COQ7: variants seen among roughly 807,000 people sequenced by gnomAD.
COQ7 encodes the protein NADPH-dependent 3-demethoxyubiquinone 3-hydroxylase, mitochondrial.
Under a neutral mutation model 25.0 loss-of-function variants are expected in COQ7, and 21 were observed. The ratio of observed to expected loss-of-function variants is 0.84; its 90% CI spans 0.60 to 1.21. COQ7 has a LOEUF of 1.21. COQ7 is among the 50% of genes most tolerant of loss of function. The probability of loss-of-function intolerance (pLI) is 0.00; values close to 1 mark genes in which losing one functional copy is unlikely to be tolerated. For missense variants in COQ7, 311 were observed against 296.2 expected (o/e 1.05, Z -0.37); for synonymous variants, 125 against 112.4 (o/e 1.11, Z -0.71).
chr16:19,075,805 A>G lies in COQ7; in HGVS notation c.452A>G (p.Asn151Ser). ...GAGAGCATAGCACATCACTACAACA[A>G]CCAGATCAGGACGCTGATGGAGGAG... Reference protein sequence around the residue: ...VEESIAHHYNNQIRTLMEEDP... With the variant: ...VEESIAHHYNSQIRTLMEEDP... The change falls in exon 4 of 6, where the codon AAC becomes AGC. Residue 151 changes from asparagine (N) to serine (S), a missense_variant. Asn to Ser is a conservative substitution (Grantham distance 46). Transcript: ENST00000321998. 2 of 1,614,082 alleles carry G rather than the reference A, an allele frequency of 1.2e-6. No homozygotes were observed. The highest frequency in any genetic ancestry group is 1.7e-6 in the Non-Finnish European group (2 of 1,179,954).
At chr16:19,068,155 C>G in intron 1 of COQ7, 23 of 1,042,118 alleles carry the variant, frequency 2.2e-5, no homozygotes, top group Non-Finnish European at 2.7e-5. Flanking sequence ...TCTGGGCGCT[C>G]GCTAGAAATA....
At position 19,078,353 on chromosome 16, in the gene COQ7, A is replaced by G; in HGVS notation, c.*195A>G. On this transcript the variant is annotated 3_prime_UTR_variant, in exon 6 of 6. Coordinates refer to ENST00000321998, the MANE Select transcript of COQ7 (RefSeq NM_016138.5). ...GGGTTGTTTTTTCTGCCATGAGACC[A>G]ACAGGTCACCAGCCTTGTTCAAGTT... 2.3e-6 allele frequency: 1 copy of G among 435,690 alleles called. No homozygotes were observed. Among genetic ancestry groups the G allele is most frequent in the East Asian group, 3.7e-5 (1 of 26,960 alleles). The allele number at this position is 435,690 out of a possible 1,614,324, so 27.0% of individuals were successfully genotyped here.
rs918638396 is a variant in COQ7, at chr16:19,078,401, G to C, written c.*243G>C. On this transcript the variant is annotated 3_prime_UTR_variant, in exon 6 of 6. Transcript: ENST00000321998. ...GTTACAGCAAACGAAGCTGGGCCTT[G>C]TTTGGTCTCATACTTAATTTTCTTT... is the stretch of plus-strand genomic sequence containing the variant. 2.5e-5 allele frequency: 8 copies of C among 323,472 alleles called. No individual in the cohort carries two copies. Among genetic ancestry groups the C allele is most frequent in the Non-Finnish European group, 3.9e-5 (7 of 180,000 alleles). The allele number at this position is 323,472 out of a possible 1,614,324, so 20.0% of individuals were successfully genotyped here.
At position 19,067,721 on chromosome 16, in the gene COQ7, C is replaced by T; in HGVS notation, c.57C>T (p.Ala19=). The T allele has an allele frequency of 6.2e-7, 1 of 1,605,532 alleles. No homozygotes were observed. The highest frequency in any genetic ancestry group is 8.5e-7 in the Non-Finnish European group (1 of 1,178,056). ...APRLWRLRPG[A]RRSLSAYGRR... ...GCCTTTGGCGGCTGCGCCCGGGGGCCCGGCGGTCCCTCTCAGGTAAAAGGA... is the reference window on the plus strand; with the variant it reads ...GCCTTTGGCGGCTGCGCCCGGGGGCTCGGCGGTCCCTCTCAGGTAAAAGGA... Residue 19 remains alanine (A), a synonymous_variant, in exon 1 of 6, where the codon GCC becomes GCT. Transcript: ENST00000321998.
chr16:19,077,420 G>T, intron 5 of COQ7, 46 bp downstream of exon 5: 1 of 1,506,674 alleles, frequency 6.6e-7, no homozygotes, highest in Non-Finnish European at 9.2e-7. Flanking sequence ...TCCTTATTTG[G>T]GAGGCTGAAG....
At chr16:19,074,110 C>T (rs748917653) in intron 3 of COQ7, 75 bp downstream of exon 3, 1 of 1,136,190 alleles carries the variant, frequency 8.8e-7, no homozygotes, top group Non-Finnish European at 1.3e-6. Context: ...ATCATGTTCA[C>T]AATTCTTGCT....
chr16:19,068,921 G>T, intron 1 of COQ7: 1 of 443,978 alleles, frequency 2.3e-6, no homozygotes, highest in Non-Finnish European at 4.5e-6. Flanking sequence ...AAAAAGTTAT[G>T]AAATTGTATT....
Position 19,071,923 on chromosome 16 carries a change from T to G in COQ7, c.74-5T>G, listed in dbSNP as rs1448994433. 1 of 1,614,120 alleles carries G rather than the reference T, an allele frequency of 6.2e-7. No individual in the cohort carries two copies. The highest frequency in any genetic ancestry group is 1.7e-5 in the Admixed American group (1 of 60,022). ...CATAACGAAGAATAAACACTTGCAT[T>G]TCAGCTTATGGAAGAAGAACCAGTG... On this transcript the variant is annotated splice_region_variant and splice_polypyrimidine_tract_variant and intron_variant, in intron 1 of 5. Transcript: ENST00000321998.
intron 1 of COQ7, chr16:19,068,038 T>C (rs995330077): frequency 8.0e-7 from 1 of 1,256,700 alleles, no homozygotes; most frequent in African/African-American, 1.6e-5. Context: ...TCGAGGACAG[T>C]TGGCGACACT....
At chr16:19,082,764 C>CT (rs1402591644), downstream of COQ7, among the ~76,000 whole-genome samples, 1 of 83,520 alleles carries the variant, frequency 1.2e-5, no homozygotes, top group Non-Finnish European at 2.9e-5. Context: ...GAGACTCTGT[C>CT]TAAAAAAAAA....
At chr16:19,068,842 T>C (rs190274403) in intron 1 of COQ7, 29 of 451,316 alleles carry the variant, frequency 6.4e-5, no homozygotes, top group Admixed American at 5.3e-4. Context: ...AAAATCCTTA[T>C]GGTGAATGGG....
At chr16:19,071,317 G>T (rs967391829) in intron 1 of COQ7, among the ~76,000 whole-genome samples, 1 of 152,190 alleles carries the variant, frequency 6.6e-6, no homozygotes, top group Non-Finnish European at 1.5e-5. Flanking sequence ...TGTATTTTTG[G>T]TAGAGATGGG....
chr16:19,083,030 G>T (rs1963120773), downstream of COQ7, among the ~76,000 whole-genome samples: 1 of 152,092 alleles, frequency 6.6e-6, no homozygotes, highest in Non-Finnish European at 1.5e-5. Context: ...TCTAGAATCG[G>T]TGATAGTTGC....
intron 1 of COQ7, among the ~76,000 whole-genome samples, chr16:19,070,741 G>T (rs946112006): frequency 1.5e-4 from 22 of 150,532 alleles, no homozygotes; most frequent in African/African-American, 4.9e-4. Context: ...TACAGTCAGA[G>T]TCTGTCTCAA....
intron 2 of COQ7, among the ~76,000 whole-genome samples, chr16:19,073,023 T>C (rs1020011277): frequency 6.6e-6 from 1 of 151,654 alleles, no homozygotes; most frequent in Admixed American, 6.6e-5. Context: ...ATACAAAAAT[T>C]AGCTGGGTGC....
At chr16:19,072,666 A>G (rs1030594255) in intron 2 of COQ7, among the ~76,000 whole-genome samples, 4 of 152,192 alleles carry the variant, frequency 2.6e-5, no homozygotes, top group African/African-American at 9.6e-5. Flanking sequence ...AGTACAAGTT[A>G]AATGGCCTGC....
intron 1 of COQ7, among the ~76,000 whole-genome samples, chr16:19,070,326 C>G (rs1365392934): frequency 2.2e-4 from 34 of 152,216 alleles, no homozygotes; most frequent in Admixed American, 2.2e-3. Flanking sequence ...ACATATGTAT[C>G]TAAAATGAAT....
In COQ7 at chr16:19,075,870, C is replaced by A; in HGVS notation, c.507+10C>A. ...CGAGGAACTTCTTCAGGTATTTATC[C>A]GTGCTCTAGAACGGGGCTGCTCAAG... On this transcript the variant is annotated intron_variant, in intron 4 of 5. Coordinates refer to ENST00000321998, the MANE Select transcript of COQ7 (RefSeq NM_016138.5). The A allele has an allele frequency of 6.2e-7, 1 of 1,614,076 alleles. No homozygotes were observed.
intron 1 of COQ7, chr16:19,071,714 A>T (rs1262890668): frequency 1.8e-6 from 1 of 570,334 alleles, no homozygotes; most frequent in Non-Finnish European, 3.1e-6. Flanking sequence ...GCATTTCCAG[A>T]TCTTCATACA....
Sources: gnomAD v4.1 joint callset for allele counts (sites outside exome capture counted in the v4.1 genomes callset) on GRCh38, gnomAD v4.1.1 for gene constraint, MANE v1.5 for transcripts, NCBI Gene and HGNC (gene_info 2026-07-23, HGNC 2026-07-21) for gene names.